The following TRIOBP variants were observed in gnomAD, a reference collection of about 807,000 sequenced individuals.
TRIOBP encodes the protein TRIO and F-actin binding protein, also known as TRIO and F-actin-binding protein.
Under a neutral mutation model 238.8 loss-of-function variants are expected in TRIOBP, and 169 were observed. That is an observed-to-expected ratio of 0.71 (90% CI 0.62 to 0.80). The LOEUF (loss-of-function observed/expected upper bound fraction) is 0.80, where lower values mean the gene tolerates loss of function less well. Among genes scored for constraint, TRIOBP ranks in the 30% least tolerant of loss-of-function variants. The probability of loss-of-function intolerance (pLI) is 0.00; values close to 1 mark genes in which losing one functional copy is unlikely to be tolerated. For synonymous variants in TRIOBP, 1,150 were observed against 1,274.4 expected, an observed-to-expected ratio of 0.90 and a Z score of 2.08; for missense variants, 2,838 against 3,122.6, an observed-to-expected ratio of 0.91 and a Z score of 2.17.
chr22:37,719,765 C>T (rs1243445617), intron 6 of TRIOBP, among the ~76,000 whole-genome samples: 2 of 152,082 alleles, frequency 1.3e-5, no homozygotes, highest in East Asian at 3.9e-4. Context: ...TCCTCTGCTT[C>T]ACTTTTAAAT....
chr22:37,757,768 T>G lies in TRIOBP; in HGVS notation c.5843T>G (p.Leu1948Arg). The G allele has an allele frequency of 1.3e-6, 2 of 1,554,346 alleles. No individual in the cohort carries two copies. The highest frequency in any genetic ancestry group is 1.7e-6 in the Non-Finnish European group (2 of 1,149,316). ...GQRQALDYVE[L>R]SPLTQASPQR... ...CGTCAGGCCTTGGACTACGTGGAGC[T>G]CTCGCCGCTGACCCAGGCTTCCCCG... is the stretch of plus-strand genomic sequence containing the variant. Residue 1948 changes from leucine to arginine, a missense_variant, in exon 16 of 24, where the codon CTC becomes CGC. Physicochemically the swap from Leu to Arg is moderately radical, Grantham distance 102 (BLOSUM62 -2). This residue lies in a region of TRIOBP where 2,096 missense variants were observed against 2,137.4 expected (regional missense o/e 0.98). Transcript: ENST00000644935.
At chr22:37,703,964 T>A (rs1922794172) in intron 3 of TRIOBP, among the ~76,000 whole-genome samples, 1 of 152,170 alleles carries the variant, frequency 6.6e-6, no homozygotes, top group Non-Finnish European at 1.5e-5. Context: ...GGATTCAGGC[T>A]CGTCTGAGTT....
chr22:37,719,989 C>CACACTGCACTCACTGTTTCACCCCT (rs367687004), intron 6 of TRIOBP, among the ~76,000 whole-genome samples: 1 of 71,208 alleles, frequency 1.4e-5, no homozygotes, highest in Non-Finnish European at 2.5e-5. Context: ...TTTCACTCAT[C>CACACTGCACTCACTGTTTCACCCCT]CCCCCCCGCC....
chr22:37,765,520 G>A, intron 17 of TRIOBP, 150 bp from the exon 18 acceptor site: 1 of 982,540 alleles, frequency 1.0e-6, no homozygotes, highest in Non-Finnish European at 1.5e-6. Flanking sequence ...GTGGGGTGGG[G>A]GTGGGAGCAG....
At chr22:37,710,594 G>T in intron 4 of TRIOBP, 28 bp downstream of exon 4, 5 of 1,598,876 alleles carry the variant, frequency 3.1e-6, no homozygotes, top group Non-Finnish European at 4.3e-6. Context: ...GCCCAGGAAG[G>T]GCTTCATGGG....
At position 37,726,458 on chromosome 22, in the gene TRIOBP, G is replaced by T. The variant is rs1326813582; in HGVS notation, c.3902G>T (p.Ser1301Ile). Residue 1301 changes from serine to isoleucine, a missense_variant, in exon 7 of 24, where the codon AGC becomes ATC. Physicochemically the swap from Ser to Ile is moderately radical, Grantham distance 142. Around this residue, in one of 5 missense-constraint regions of TRIOBP, gnomAD observed 2,096 missense variants for 2,137.4 expected, o/e 0.98. Coordinates refer to ENST00000644935, the MANE Select transcript of TRIOBP (RefSeq NM_001039141.3). ...AQCSSGGRTHSPGRAEVERLF... is the reference protein window; with the variant it reads ...AQCSSGGRTHIPGRAEVERLF... ...TGCAGCAGCGGGGGCCGCACCCACA[G>T]CCCTGGCCGTGCAGAGGTGGAGCGC... The T allele has an allele frequency of 1.9e-6, 3 of 1,558,302 alleles. No individual in the cohort carries two copies. The highest frequency in any genetic ancestry group is 2.6e-6 in the Non-Finnish European group (3 of 1,157,088).
chr22:37,742,646 T>A (rs896891165), intron 11 of TRIOBP, among the ~76,000 whole-genome samples: 2 of 152,138 alleles, frequency 1.3e-5, no homozygotes, highest in Non-Finnish European at 2.9e-5. Context: ...GTGGTACCTT[T>A]AAGCCATGGG....
intron 6 of TRIOBP, among the ~76,000 whole-genome samples, chr22:37,719,029 G>T (rs1429205665): frequency 6.6e-6 from 1 of 150,858 alleles, no homozygotes; most frequent in Non-Finnish European, 1.5e-5. Flanking sequence ...TGTATTTCTA[G>T]TAGAGACAGG....
chr22:37,715,369 G>A (rs1469845049), intron 5 of TRIOBP, among the ~76,000 whole-genome samples: 1 of 151,274 alleles, frequency 6.6e-6, no homozygotes, highest in Non-Finnish European at 1.5e-5. Context: ...TTGAGACAGA[G>A]TCTCACTCTG....
intron 10 of TRIOBP, among the ~76,000 whole-genome samples, chr22:37,738,927 C>A (rs892334177): frequency 1.3e-5 from 2 of 152,084 alleles, no homozygotes; most frequent in African/African-American, 2.4e-5. Flanking sequence ...GGTGGGCGAT[C>A]CTGGGGTCAG....
intron 17 of TRIOBP, chr22:37,760,288 C>T (rs1280684562): frequency 1.3e-5 from 2 of 152,206 alleles, no homozygotes; most frequent in Non-Finnish European, 2.9e-5. Context: ...ATTTTCTTAT[C>T]ACTTGCTTAA....
At chr22:37,738,422 G>A (rs917612598) in intron 9 of TRIOBP, among the ~76,000 whole-genome samples, 1 of 152,062 alleles carries the variant, frequency 6.6e-6, no homozygotes, top group Non-Finnish European at 1.5e-5. Context: ...ATCAATGGAG[G>A]GTAGATACAT....
chr22:37,704,571 A>G (rs925089243), intron 3 of TRIOBP, among the ~76,000 whole-genome samples: 3 of 152,026 alleles, frequency 2.0e-5, no homozygotes, highest in Admixed American at 6.6e-5. Context: ...AGAAATGCAC[A>G]TGATTATTTA....
intron 2 of TRIOBP, among the ~76,000 whole-genome samples, chr22:37,700,226 T>G (rs919437153): frequency 6.6e-6 from 1 of 152,036 alleles, no homozygotes; most frequent in Non-Finnish European, 1.5e-5. Context: ...CTCTTGGAGA[T>G]TCTAACTGTG....
intron 12 of TRIOBP, among the ~76,000 whole-genome samples, chr22:37,753,560 C>T (rs1036308967): frequency 2.6e-5 from 4 of 152,172 alleles, no homozygotes; most frequent in Non-Finnish European, 4.4e-5. Flanking sequence ...ATTATAGGCG[C>T]GAGCTACCGC....
rs576159433 is a variant in TRIOBP, at chr22:37,710,152, A to C, written c.115-275A>C. Among the ~76,000 whole-genome samples, 21 of 152,230 alleles carry C rather than the reference A, an allele frequency of 1.4e-4. No homozygotes were observed. Among genetic ancestry groups the C allele is most frequent in the Non-Finnish European group, 2.8e-4 (19 of 68,032 alleles). Reference sequence around the variant, plus strand: ...AAGAGCTCGCTCCACCTATGTGCACACATGTGCCCCCAATACCAGGCCTTT... The same window carrying C: ...AAGAGCTCGCTCCACCTATGTGCACCCATGTGCCCCCAATACCAGGCCTTT... On this transcript the variant is annotated intron_variant, in intron 3 of 23. Coordinates refer to ENST00000644935, the MANE Select transcript of TRIOBP (RefSeq NM_001039141.3).
At chr22:37,769,896 T>A (rs904838293) in intron 21 of TRIOBP, among the ~76,000 whole-genome samples, 21 of 151,576 alleles carry the variant, frequency 1.4e-4, no homozygotes, top group Admixed American at 7.9e-4. Context: ...ACCCAGCTAA[T>A]TTTTTATATT....
intron 22 of TRIOBP, 60 bp from the exon 23 acceptor site, chr22:37,772,541 C>G: frequency 6.2e-7 from 1 of 1,612,070 alleles, no homozygotes; most frequent in Non-Finnish European, 8.5e-7. Context: ...GCCCATGTGC[C>G]CGGTTGGCAG....
intron 6 of TRIOBP, among the ~76,000 whole-genome samples, chr22:37,720,618 T>C (rs1166337743): frequency 2.0e-5 from 3 of 152,054 alleles, no homozygotes; most frequent in African/African-American, 4.8e-5. Context: ...AGGAGAGAAA[T>C]AGTGGTGGCT....
Sources: allele counts gnomAD v4.1 joint callset (sites outside exome capture counted in the v4.1 genomes callset), GRCh38; gene constraint gnomAD v4.1.1; regional missense constraint gnomAD v4.1.1; transcripts MANE v1.5; gene names NCBI Gene and HGNC (gene_info 2026-07-23, HGNC 2026-07-21).